Variants in ROBO1 observed in about 807,000 individuals in gnomAD.
ROBO1 encodes roundabout homolog 1.
ROBO1 carries 149 observed loss-of-function variants against 195.9 expected under a neutral mutation model. The ratio of observed to expected loss-of-function variants is 0.76; its 90% CI spans 0.67 to 0.87. ROBO1 has a LOEUF of 0.87. Among genes scored for constraint, ROBO1 ranks in the 40% least tolerant of loss-of-function variants. The pLI is 0.00. For missense variants in ROBO1, 1,933 were observed against 2,068.3 expected (o/e 0.93, Z 1.27); for synonymous variants, 816 against 733.2 (o/e 1.11, Z -1.82).
At chr3:79,040,182 C>T (rs920714446) in intron 3 of ROBO1, among the ~76,000 whole-genome samples, 4 of 152,102 alleles carry the variant, frequency 2.6e-5, no homozygotes, top group African/African-American at 4.8e-5. Flanking sequence ...AACTAAACTG[C>T]GACAAGAGAT....
At chr3:79,148,586 G>A (rs1019501388) in intron 2 of ROBO1, among the ~76,000 whole-genome samples, 3 of 151,996 alleles carry the variant, frequency 2.0e-5, no homozygotes, top group Non-Finnish European at 4.4e-5. Context: ...CAATTTTTGA[G>A]TTGAGTTCAA....
intron 2 of ROBO1, among the ~76,000 whole-genome samples, chr3:79,341,015 T>A (rs979820233): frequency 7.9e-5 from 12 of 152,238 alleles, no homozygotes; most frequent in Non-Finnish European, 1.8e-4. Context: ...AGTAATTTTA[T>A]AAATGCAAGT....
chr3:79,757,503 C>CCATATATA lies in ROBO1; in HGVS notation c.-51+10248_-51+10249insTATATATG, dbSNP rs369407395. 8.1e-4 allele frequency among the ~76,000 whole-genome samples: 117 copies of CCATATATA among 145,332 alleles called. 1 individual carries two copies. In the East Asian group the frequency reaches 9.3e-3, roughly 12 times the overall value. On this transcript the variant is annotated intron_variant, in intron 1 of 30. Transcript: ENST00000464233. ...TTTCTTTCTTTCTCTCTCTCTCTCT[C>CCATATATA]TCTCTCCATATATATATATGCCATC...
At chr3:79,322,323 T>C (rs536722558) in intron 2 of ROBO1, among the ~76,000 whole-genome samples, 22 of 152,286 alleles carry the variant, frequency 1.4e-4, no homozygotes, top group Non-Finnish European at 2.6e-4. Flanking sequence ...TATGCCATAA[T>C]TGGAAACCAA....
intron 4 of ROBO1, among the ~76,000 whole-genome samples, chr3:78,884,945 G>T (rs1034464358): frequency 6.6e-6 from 1 of 150,734 alleles, no homozygotes; most frequent in Admixed American, 6.6e-5. Flanking sequence ...TGCTTTGTAC[G>T]AAGGCTGCAT....
At chr3:78,604,150 A>C (rs1267880803) in intron 29 of ROBO1, among the ~76,000 whole-genome samples, 1 of 151,960 alleles carries the variant, frequency 6.6e-6, no homozygotes. Flanking sequence ...GGCTCACTGC[A>C]ATCTCCTCCT....
At chr3:78,925,596 A>G (rs2039167476) in intron 4 of ROBO1, among the ~76,000 whole-genome samples, 1 of 152,208 alleles carries the variant, frequency 6.6e-6, no homozygotes, top group Non-Finnish European at 1.5e-5. Context: ...TTGGTTGAAA[A>G]GAATCTTTGT....
chr3:78,960,063 G>C (rs947951725), intron 3 of ROBO1, among the ~76,000 whole-genome samples: 33 of 152,100 alleles, frequency 2.2e-4, no homozygotes, highest in Non-Finnish European at 3.2e-4. Flanking sequence ...TACTCAGGAG[G>C]CTGAGGTGGG....
chr3:79,612,415 A>C lies in ROBO1; in HGVS notation c.-50-22454T>G, dbSNP rs1488562359. Among the ~76,000 whole-genome samples, 17 of 150,284 alleles carry C rather than the reference A, an allele frequency of 1.1e-4. 1 individual carries two copies. The highest frequency in any genetic ancestry group is 2.5e-5 in the African/African-American group (1 of 40,788). On this transcript the variant is annotated intron_variant, in intron 1 of 30. Transcript: ENST00000464233. ...TGGTGTATATGTGCCACATTTTCTT[A>C]ATCCAGTCTATCATTGTTGGACATT...
chr3:79,587,571 AT>A (rs1420857521), intron 2 of ROBO1, among the ~76,000 whole-genome samples: 1 of 151,442 alleles, frequency 6.6e-6, no homozygotes, highest in Non-Finnish European at 1.5e-5. Context: ...GATGAAGGAG[AT>A]TTTTTTTCTT....
chr3:79,577,618 GTA>G (rs1943528969), intron 2 of ROBO1, among the ~76,000 whole-genome samples: 3 of 151,966 alleles, frequency 2.0e-5, no homozygotes, highest in Admixed American at 1.3e-4. Flanking sequence ...GGACATACCT[GTA>G]ATCCCAGCAC....
rs549983268 is a variant in ROBO1 at position 79,275,000 on chromosome 3, TCA to T, written c.89-149463_89-149462del. ...GATTGAAGCTATAATAAGCACTCTC[TCA>T]GCAGAGAAATGCTCAGGACCCAGTA... On this transcript the variant is annotated intron_variant, in intron 2 of 30. Coordinates refer to ENST00000464233, the MANE Select transcript of ROBO1 (RefSeq NM_002941.4). Among the ~76,000 whole-genome samples the T allele has an allele frequency of 3.2e-3, 488 of 151,988 alleles. 3 individuals are homozygous for T. Among genetic ancestry groups the T allele is most frequent in the African/African-American group, 0.011 (462 of 41,530 alleles).
In ROBO1 at chr3:79,589,977, A is replaced by G; in HGVS notation, c.-50-16T>C. ...AATGTGTTATCTGGGGAGATTAAAA[A>G]AATATTATTTTGTAATGGTTAGCTA... On this transcript the variant is annotated splice_polypyrimidine_tract_variant and intron_variant, in intron 1 of 30. Transcript: ENST00000464233. 1 of 1,139,246 alleles carries G rather than the reference A, an allele frequency of 8.8e-7. No homozygotes were observed. The highest frequency in any genetic ancestry group is 1.3e-6 in the Non-Finnish European group (1 of 761,562). The allele number at this position is 1,139,246 out of a possible 1,614,324, so 70.6% of individuals were successfully genotyped here.
chr3:79,654,408 C>T (rs1273266916), intron 1 of ROBO1, among the ~76,000 whole-genome samples: 1 of 151,848 alleles, frequency 6.6e-6, no homozygotes, highest in Non-Finnish European at 1.5e-5. Context: ...CCTTCTATTC[C>T]AATGCTGTCA....
intron 2 of ROBO1, among the ~76,000 whole-genome samples, chr3:79,552,001 A>C (rs867203605): frequency 0.012 from 1,701 of 143,238 alleles, 6 homozygotes; most frequent in Non-Finnish European, 0.019. Flanking sequence ...AAAAAAAAAA[A>C]AAAAAAAAAA....
chr3:78,840,923 G>A (rs577987986), intron 4 of ROBO1, among the ~76,000 whole-genome samples: 28 of 151,774 alleles, frequency 1.8e-4, no homozygotes, highest in Admixed American at 3.3e-4. Flanking sequence ...TTAGCTGGGC[G>A]TGGTGGTGGG....
chr3:79,155,179 A>C (rs1474560069), intron 2 of ROBO1, among the ~76,000 whole-genome samples: 2 of 151,402 alleles, frequency 1.3e-5, no homozygotes, highest in Non-Finnish European at 3.0e-5. Context: ...GGCAGATTTG[A>C]AAAGATCTAC....
At chr3:79,406,262 A>G (rs1374584090) in intron 2 of ROBO1, among the ~76,000 whole-genome samples, 1 of 147,350 alleles carries the variant, frequency 6.8e-6, no homozygotes, top group Non-Finnish European at 1.5e-5. Flanking sequence ...AAAAAAAAAA[A>G]TCTCTAAAAA....
intron 3 of ROBO1, among the ~76,000 whole-genome samples, chr3:79,105,212 A>C (rs1465084788): frequency 1.3e-5 from 2 of 151,770 alleles, no homozygotes; most frequent in African/African-American, 4.8e-5. Context: ...TACTAACGGA[A>C]AAAGATAGTT....
Sources: gnomAD v4.1 joint callset for allele counts (sites outside exome capture counted in the v4.1 genomes callset) on GRCh38, gnomAD v4.1.1 for gene constraint, MANE v1.5 for transcripts, NCBI Gene and HGNC (gene_info 2026-07-23, HGNC 2026-07-21) for gene names.